Variants in TTLL1 observed in about 807,000 individuals in gnomAD.
The protein encoded by TTLL1 is TTL family tubulin polyglutamylase complex subunit L1.
A neutral mutation model predicts 47.8 loss-of-function variants in TTLL1; 33 were observed. The ratio of observed to expected loss-of-function variants is 0.69; its 90% confidence interval spans 0.52 to 0.92. TTLL1 has a LOEUF of 0.92. TTLL1 is among the 40% of genes least tolerant of loss of function. The probability of loss-of-function intolerance (pLI) is 0.00; values close to 1 mark genes in which losing one functional copy is unlikely to be tolerated. For synonymous variants in TTLL1, 225 were observed against 214.1 expected (o/e 1.05, Z -0.45); for missense variants, 488 against 547.5 (o/e 0.89, Z 1.08).
chr22:43,082,309 G>A (rs1246689142), intron 1 of TTLL1, among the ~76,000 whole-genome samples: 5 of 152,014 alleles, frequency 3.3e-5, no homozygotes, highest in Admixed American at 3.3e-4. Context: ...CAGAAAATTG[G>A]CTCTGTCCTC....
chr22:43,065,166 A>G (rs992712050), intron 5 of TTLL1, among the ~76,000 whole-genome samples: 1 of 152,076 alleles, frequency 6.6e-6, no homozygotes, highest in African/African-American at 2.4e-5. Flanking sequence ...AAATAAAATA[A>G]TGGTGGATCC....
intron 2 of TTLL1, among the ~76,000 whole-genome samples, chr22:43,078,348 T>C (rs924926079): frequency 1.2e-4 from 18 of 151,928 alleles, no homozygotes; most frequent in Non-Finnish European, 2.4e-4. Context: ...ATACAAAAAT[T>C]AGCTGGGCGT....
chr22:43,073,228 G>C (rs1928244788), intron 3 of TTLL1, among the ~76,000 whole-genome samples: 1 of 151,424 alleles, frequency 6.6e-6, no homozygotes, highest in South Asian at 2.1e-4. Flanking sequence ...GTTGGCCATG[G>C]TTGGCCAGGC....
intron 7 of TTLL1, among the ~76,000 whole-genome samples, chr22:43,063,241 ACAGAACTAGAAAGGC>A: frequency 6.6e-6 from 1 of 152,148 alleles, no homozygotes; most frequent in Admixed American, 6.6e-5. Context: ...GCCCGAGGCC[ACAGAACTAGAAAGGC>A]AGGGCTTGAG....
intron 2 of TTLL1, among the ~76,000 whole-genome samples, chr22:43,077,082 C>CA (rs1179636716): frequency 6.6e-6 from 1 of 151,890 alleles, no homozygotes; most frequent in Non-Finnish European, 1.5e-5. Flanking sequence ...GCCTGGGTGA[C>CA]AGAGTGAGAC....
chr22:43,062,298 C>T (rs1927435487), intron 7 of TTLL1, among the ~76,000 whole-genome samples: 1 of 151,734 alleles, frequency 6.6e-6, no homozygotes, highest in Non-Finnish European at 1.5e-5. Flanking sequence ...CAAGACCATT[C>T]TGGCCAACAT....
chr22:43,068,280 G>T, intron 5 of TTLL1, 130 bp downstream of exon 5: 2 of 763,264 alleles, frequency 2.6e-6, no homozygotes, highest in Non-Finnish European at 3.8e-6. Context: ...TTGTGCCACT[G>T]TAATCCTGCC....
chr22:43,049,601 CA>C (rs34707208), intron 9 of TTLL1, among the ~76,000 whole-genome samples: 28,508 of 105,368 alleles, frequency 0.27, 3,297 homozygotes, highest in Middle Eastern at 0.39. Context: ...CCCATCTCCA[CA>C]AAAAAAAAAA....
chr22:43,078,814 G>A (rs1928678954), intron 2 of TTLL1, among the ~76,000 whole-genome samples: 1 of 152,014 alleles, frequency 6.6e-6, no homozygotes, highest in Non-Finnish European at 1.5e-5. Flanking sequence ...AAAAGCACAG[G>A]AGCCGCACCC....
At position 43,069,699 on chromosome 22, in the gene TTLL1, C is replaced by T; in HGVS notation, c.259G>A (p.Glu87Lys). Reference sequence around the variant, plus strand: ...AGAGGACTCCCTTCTTTCTCCAGCTCCTTCCTGTATCTTTTGATGTTCTTC... The same window carrying T: ...AGAGGACTCCCTTCTTTCTCCAGCTTCTTCCTGTATCTTTTGATGTTCTTC... Reference protein sequence around the residue: ...MVKNIKRYRKELEKEGSPLAE... With the variant: ...MVKNIKRYRKKLEKEGSPLAE... Residue 87 changes from glutamate to lysine, a missense_variant, in exon 4 of 11, where the codon GAG (glutamate) becomes AAG (lysine). Physicochemically the swap from Glu to Lys is moderately conservative, Grantham distance 56. Transcript: ENST00000266254. 1 of 1,614,212 alleles carries T rather than the reference C, an allele frequency of 6.2e-7. No individual in the cohort carries two copies. Among genetic ancestry groups the T allele is most frequent in the Non-Finnish European group, 8.5e-7 (1 of 1,180,048 alleles).
intron 3 of TTLL1, among the ~76,000 whole-genome samples, chr22:43,074,609 A>AG: frequency 1.3e-5 from 2 of 151,212 alleles, no homozygotes; most frequent in Admixed American, 1.3e-4. Context: ...GGGAGGCTGA[A>AG]GTGGGAAGAT....
intron 8 of TTLL1, among the ~76,000 whole-genome samples, chr22:43,055,825 A>G (rs1464093586): frequency 6.6e-6 from 1 of 152,048 alleles, no homozygotes; most frequent in Non-Finnish European, 1.5e-5. Context: ...AAGAGGCTCA[A>G]TATAAGCCTC....
At chr22:43,041,557 C>T (rs983047312) in intron 10 of TTLL1, among the ~76,000 whole-genome samples, 2 of 117,248 alleles carry the variant, frequency 1.7e-5, no homozygotes, top group African/African-American at 7.2e-5. Context: ...AACGGTCACC[C>T]AGACTGGAGT....
At chr22:43,060,776 T>A (rs965215101) in intron 7 of TTLL1, among the ~76,000 whole-genome samples, 1 of 152,230 alleles carries the variant, frequency 6.6e-6, no homozygotes, top group African/African-American at 2.4e-5. Context: ...ATGTATTACA[T>A]TGTTAGGAGA....
At chr22:43,077,687 C>G (rs1928599003) in intron 2 of TTLL1, among the ~76,000 whole-genome samples, 1 of 152,182 alleles carries the variant, frequency 6.6e-6, no homozygotes, top group Admixed American at 6.5e-5. Context: ...TCAAACTGCT[C>G]AGGCAGCCCA....
intron 8 of TTLL1, among the ~76,000 whole-genome samples, chr22:43,055,971 C>G (rs922736897): frequency 1.3e-5 from 2 of 151,964 alleles, no homozygotes; most frequent in African/African-American, 4.8e-5. Flanking sequence ...TCTCGAATTC[C>G]TGGGTTCAAG....
chr22:43,084,533 G>C (rs1003259967), intron 1 of TTLL1, among the ~76,000 whole-genome samples: 3 of 151,588 alleles, frequency 2.0e-5, no homozygotes, highest in African/African-American at 4.9e-5. Context: ...ATGGAGTCTT[G>C]CTCAATCGCC....
chr22:43,043,376 C>T (rs1003818241), intron 10 of TTLL1, among the ~76,000 whole-genome samples: 5 of 152,068 alleles, frequency 3.3e-5, no homozygotes, highest in African/African-American at 1.2e-4. Flanking sequence ...CTGAAGAGAA[C>T]CCCCCAAGGT....
chr22:43,051,964 A>T (rs1926663097), intron 8 of TTLL1, 77 bp from the exon 9 acceptor site: 2 of 1,425,606 alleles, frequency 1.4e-6, no homozygotes, highest in Non-Finnish European at 2.0e-6. Context: ...AGAGACAAGC[A>T]GGATCGTCCC....
Sources: gnomAD v4.1 joint callset for allele counts (sites outside exome capture counted in the v4.1 genomes callset) on GRCh38, gnomAD v4.1.1 for gene constraint, MANE v1.5 for transcripts, NCBI Gene and HGNC (gene_info 2026-07-23, HGNC 2026-07-21) for gene names.